The following USP42 variants were observed in gnomAD, a reference collection of about 807,000 sequenced individuals.
USP42 encodes ubiquitin specific peptidase 42, also known as ubiquitin carboxyl-terminal hydrolase 42.
USP42 carries 23 observed loss-of-function variants against 113.0 expected under a neutral mutation model. That is an observed-to-expected ratio of 0.20 (90% CI 0.15 to 0.29). The LOEUF is 0.29. Among genes scored for constraint, USP42 ranks in the 10% least tolerant of loss-of-function variants. The pLI is 1.00. For synonymous variants in USP42, 933 were observed against 699.0 expected (o/e 1.33, Z -5.28); for missense variants, 2,174 against 1,779.8 (o/e 1.22, Z -3.99).
chr7:6,119,362 T>G (rs1583596316), intron 3 of USP42, among the ~76,000 whole-genome samples: 1 of 152,132 alleles, frequency 6.6e-6, no homozygotes, highest in Non-Finnish European at 1.5e-5. Context: ...TCCTGGCTAC[T>G]TGGGAGACTG....
intron 3 of USP42, 127 bp from the exon 4 acceptor site, chr7:6,135,714 A>T: frequency 2.9e-6 from 1 of 350,474 alleles, no homozygotes; most frequent in Non-Finnish European, 5.3e-6. Context: ...ATAAAAGTAG[A>T]TAGCTCAAGG....
rs1781350065 is a variant in USP42, at chr7:6,139,900, G to A, written c.657-228G>A. The A allele has an allele frequency of 1.8e-6, 1 of 571,106 alleles. No individual in the cohort carries two copies. 35.4% of individuals were successfully genotyped at this position (571,106 alleles called of 1,614,324 possible). A position where few individuals can be genotyped will look rare whatever the true frequency, so the allele number is the denominator to read the frequency against. On this transcript the variant is annotated intron_variant, in intron 5 of 17. Coordinates refer to ENST00000306177, the MANE Select transcript of USP42 (RefSeq NM_032172.3). This position sits in a 1 kb window ranked among gnomAD's most constrained non-coding sequence, Gnocchi z 4.5. ...TTGCTTCCCGAGTCCCTTCCTGACA[G>A]ACACAGCTCCCACAGCTCTGCGTCT... is the stretch of plus-strand genomic sequence containing the variant.
intron 3 of USP42, among the ~76,000 whole-genome samples, chr7:6,124,701 T>G: frequency 6.6e-6 from 1 of 152,214 alleles, no homozygotes; most frequent in East Asian, 1.9e-4. Context: ...AAATCTACCA[T>G]CTTGCTATTT....
At chr7:6,129,667 C>T (rs1780738307) in intron 3 of USP42, among the ~76,000 whole-genome samples, 1 of 151,598 alleles carries the variant, frequency 6.6e-6, no homozygotes, top group African/African-American at 2.4e-5. Context: ...TCAAGACCAG[C>T]CTGGCCAACA....
Position 6,139,016 on chromosome 7 carries a change from A to T in USP42, c.554-76A>T. Reference sequence around the variant, plus strand: ...AGTTTTCCAACCAACATATTATTATAAGATATATTTTGGGGGGTACAACTT... The same window carrying T: ...AGTTTTCCAACCAACATATTATTATTAGATATATTTTGGGGGGTACAACTT... On this transcript the variant is annotated intron_variant, in intron 4 of 17. Coordinates refer to ENST00000306177, the MANE Select transcript of USP42 (RefSeq NM_032172.3). The surrounding 1 kb of genome is among the most constrained non-coding windows in gnomAD (Gnocchi z 4.5). The T allele has an allele frequency of 1.1e-6, 1 of 883,566 alleles. No individual in the cohort carries two copies. Among genetic ancestry groups the T allele is most frequent in the Non-Finnish European group, 1.7e-6 (1 of 579,236 alleles). The allele number at this position is 883,566 out of a possible 1,614,324, so 54.7% of individuals were successfully genotyped here.
At chr7:6,132,328 C>G (rs1453507525) in intron 3 of USP42, among the ~76,000 whole-genome samples, 1 of 151,904 alleles carries the variant, frequency 6.6e-6, no homozygotes, top group Non-Finnish European at 1.5e-5. Context: ...TTCCTATATA[C>G]ATAATGATTT....
the USP42 span, among the ~76,000 whole-genome samples, chr7:6,099,324 C>G: frequency 2.1e-5 from 3 of 145,308 alleles, no homozygotes; most frequent in Admixed American, 1.4e-4. Context: ...AAGAGATTCT[C>G]CTGCCTTAGC....
intron 3 of USP42, among the ~76,000 whole-genome samples, chr7:6,123,190 A>G (rs1269911515): frequency 6.6e-6 from 1 of 152,078 alleles, no homozygotes; most frequent in Admixed American, 6.5e-5. Context: ...CATCCCAAAT[A>G]ATATTCTTTG....
upstream of USP42, among the ~76,000 whole-genome samples, chr7:6,104,681 C>A (rs1779149332): frequency 6.6e-6 from 1 of 152,152 alleles, no homozygotes; most frequent in East Asian, 1.9e-4. Context: ...GACGCGCGAC[C>A]AGCCCAGCCA....
chr7:6,091,657 C>G, the USP42 span, among the ~76,000 whole-genome samples: 1 of 135,536 alleles, frequency 7.4e-6, no homozygotes, highest in African/African-American at 2.8e-5. Context: ...AAACAGGAAC[C>G]ATATTTAATC....
chr7:6,126,652 A>G (rs1458528365), intron 3 of USP42, among the ~76,000 whole-genome samples: 1 of 152,156 alleles, frequency 6.6e-6, no homozygotes, highest in Admixed American at 6.6e-5. Flanking sequence ...GTTTTGGGAT[A>G]TCGTGAGTGG....
intron 3 of USP42, among the ~76,000 whole-genome samples, chr7:6,124,409 G>A (rs1780410586): frequency 6.6e-6 from 1 of 151,146 alleles, no homozygotes; most frequent in Admixed American, 6.6e-5. Flanking sequence ...CTGGGACTAC[G>A]GGTGCACCAC....
intron 3 of USP42, among the ~76,000 whole-genome samples, chr7:6,129,860 CAAA>C (rs35237852): frequency 1.9e-4 from 14 of 73,096 alleles, no homozygotes; most frequent in Non-Finnish European, 1.8e-4. Flanking sequence ...GACTCTGTCT[CAAA>C]AAAAAAAAAA....
chr7:6,150,582 T>A, intron 14 of USP42, 76 bp downstream of exon 14: 2 of 1,223,820 alleles, frequency 1.6e-6, no homozygotes, highest in Non-Finnish European at 2.4e-6. Context: ...TGTCAGTATT[T>A]GAATGCTGTA....
Position 6,139,805 on chromosome 7 carries a change from C to G in USP42, c.657-323C>G. On this transcript the variant is annotated intron_variant, in intron 5 of 17. Coordinates refer to ENST00000306177, the MANE Select transcript of USP42 (RefSeq NM_032172.3). This position sits in a 1 kb window ranked among gnomAD's most constrained non-coding sequence, Gnocchi z 4.5. ...ACTCTCTGCCTTTTCCGCCTCCGCT[C>G]CCTTTCCTCCCACACAGGCCGCAGT... 2.4e-6 allele frequency: 1 copy of G among 418,548 alleles called. No homozygotes were observed. The highest frequency in any genetic ancestry group is 2.0e-5 in the African/African-American group (1 of 49,170). The allele number at this position is 418,548 out of a possible 1,614,324, so 25.9% of individuals were successfully genotyped here.
At chr7:6,099,544 C>T in the USP42 span, among the ~76,000 whole-genome samples, 1 of 149,514 alleles carries the variant, frequency 6.7e-6, no homozygotes, top group Non-Finnish European at 1.5e-5. Flanking sequence ...AGATGGGGTT[C>T]AGTATGTTGG....
rs371024348 is a variant in USP42, at chr7:6,149,969, C to G, written c.1773C>G (p.Pro591=). The change falls in exon 13 of 18, where the codon CCC becomes CCG. Residue 591 remains proline (P), a synonymous_variant. Coordinates refer to ENST00000306177, the MANE Select transcript of USP42 (RefSeq NM_032172.3). ...PIPRSESCSQ[P]VMNGKSKLNS... ...CCCGCAGTGAATCCTGCTCCCAGCC[C>G]GTGATGAATGGCAAATCCAAGCTGA... The G allele has an allele frequency of 6.2e-7, 1 of 1,613,898 alleles. No homozygotes were observed. The highest frequency in any genetic ancestry group is 1.3e-5 in the African/African-American group (1 of 75,038).
intron 3 of USP42, among the ~76,000 whole-genome samples, chr7:6,131,728 A>G (rs1583627768): frequency 6.6e-6 from 1 of 152,014 alleles, no homozygotes; most frequent in Non-Finnish European, 1.5e-5. Flanking sequence ...ACTCACCACC[A>G]TGTCTTCCTT....
At chr7:6,135,722 A>T in intron 3 of USP42, 119 bp from the exon 4 acceptor site, 1 of 407,244 alleles carries the variant, frequency 2.5e-6, no homozygotes, top group Non-Finnish European at 4.4e-6. Flanking sequence ...AGATAGCTCA[A>T]GGCATGCATA....
Sources: allele counts gnomAD v4.1 joint callset (sites outside exome capture counted in the v4.1 genomes callset), GRCh38; gene constraint gnomAD v4.1.1; non-coding constraint Gnocchi (gnomAD v3.1); transcripts MANE v1.5; gene names NCBI Gene and HGNC (gene_info 2026-07-23, HGNC 2026-07-21).